The following ZNF407 variants were observed in gnomAD, a reference collection of about 807,000 sequenced individuals.
The protein encoded by ZNF407 is zinc finger protein 407.
Under a neutral mutation model 131.2 loss-of-function variants are expected in ZNF407, and 17 were observed. The ratio of observed to expected loss-of-function variants is 0.13; its 90% CI spans 0.09 to 0.19. The LOEUF (loss-of-function observed/expected upper bound fraction) is 0.19, where lower values mean the gene tolerates loss of function less well. Ranked by LOEUF, ZNF407 falls within the 10% of genes least tolerant of loss-of-function variation. The pLI is 1.00. For synonymous variants in ZNF407, 1,156 were observed against 1,062.0 expected (o/e 1.09, Z -1.72); for missense variants, 2,681 against 2,830.6 (o/e 0.95, Z 1.20).
intron 8 of ZNF407, among the ~76,000 whole-genome samples, chr18:75,057,761 G>A (rs1973577391): frequency 6.6e-6 from 1 of 151,886 alleles, no homozygotes; most frequent in African/African-American, 2.4e-5. Flanking sequence ...ATTCAGGATG[G>A]TACTAAAAGT....
At position 75,051,503 on chromosome 18, in the gene ZNF407, G is replaced by A. The variant is rs139605580; in HGVS notation, c.5429-11647G>A. Among the ~76,000 whole-genome samples, 456 of 152,332 alleles carry A rather than the reference G, an allele frequency of 3.0e-3. 3 individuals carry two copies. The Middle Eastern group carries it at 0.031, about 10-fold the overall frequency. On this transcript the variant is annotated intron_variant, in intron 8 of 8. Transcript: ENST00000299687. ...TGACTGTCTCTAAGAGCTCAGGACT[G>A]TCAGCAGTGGGATTTCGTTTCCCAT...
intron 8 of ZNF407, among the ~76,000 whole-genome samples, chr18:74,992,442 G>A (rs187999199): frequency 6.4e-4 from 98 of 152,220 alleles, no homozygotes; most frequent in African/African-American, 2.3e-3. Context: ...TTGTGGGTCC[G>A]CCTGGCACAA....
chr18:74,599,410 C>T (rs1025648197), intron 1 of ZNF407, among the ~76,000 whole-genome samples: 1 of 152,124 alleles, frequency 6.6e-6, no homozygotes, highest in South Asian at 2.1e-4. Flanking sequence ...CAAAGTGGCT[C>T]CACTTCAAAA....
intron 3 of ZNF407, among the ~76,000 whole-genome samples, chr18:74,724,026 C>G (rs1332536733): frequency 2.0e-5 from 3 of 151,930 alleles, no homozygotes; most frequent in Non-Finnish European, 4.4e-5. Context: ...AAATAGTTCT[C>G]ACTATTATTC....
intron 1 of ZNF407, among the ~76,000 whole-genome samples, chr18:74,619,243 A>G (rs1178650919): frequency 1.3e-5 from 2 of 152,206 alleles, no homozygotes; most frequent in Non-Finnish European, 2.9e-5. Context: ...CTTAGTCCCT[A>G]AAACTGTACA....
At chr18:75,015,155 C>A (rs1424416136) in intron 8 of ZNF407, among the ~76,000 whole-genome samples, 2 of 151,958 alleles carry the variant, frequency 1.3e-5, no homozygotes, top group Non-Finnish European at 2.9e-5. Context: ...TTCATGTGAT[C>A]TGAAGAAATG....
intron 4 of ZNF407, among the ~76,000 whole-genome samples, chr18:74,874,292 C>T (rs955530429): frequency 2.6e-4 from 40 of 152,294 alleles, no homozygotes; most frequent in African/African-American, 9.1e-4. Flanking sequence ...CTTTGCACAT[C>T]CCTCAACTGA....
intron 8 of ZNF407, among the ~76,000 whole-genome samples, chr18:74,964,190 G>A (rs780198165): frequency 6.6e-6 from 1 of 152,190 alleles, no homozygotes; most frequent in Non-Finnish European, 1.5e-5. Context: ...TGGATCCCTG[G>A]ACCCCAAATG....
At chr18:74,961,071 A>G (rs1355400992) in intron 8 of ZNF407, among the ~76,000 whole-genome samples, 1 of 150,402 alleles carries the variant, frequency 6.6e-6, no homozygotes, top group Non-Finnish European at 1.5e-5. Flanking sequence ...GAGGGATAGG[A>G]GAAGGTCCTG....
chr18:74,625,969 C>T (rs1250683185), intron 1 of ZNF407, among the ~76,000 whole-genome samples: 1 of 152,136 alleles, frequency 6.6e-6, no homozygotes. Flanking sequence ...GAATTTAAAA[C>T]TTCTGTTTAT....
intron 7 of ZNF407, among the ~76,000 whole-genome samples, chr18:74,915,281 A>G (rs987662363): frequency 6.6e-6 from 1 of 151,912 alleles, no homozygotes; most frequent in Non-Finnish European, 1.5e-5. Flanking sequence ...CACCCAAGGT[A>G]TCTGCTGTGC....
chr18:74,928,275 T>C (rs1568273049), intron 8 of ZNF407, among the ~76,000 whole-genome samples: 1 of 152,224 alleles, frequency 6.6e-6, no homozygotes, highest in Non-Finnish European at 1.5e-5. Context: ...TGATTGGCAA[T>C]TGGTTAAGTT....
chr18:75,057,881 C>T (rs1203108287), intron 8 of ZNF407, among the ~76,000 whole-genome samples: 7 of 152,088 alleles, frequency 4.6e-5, no homozygotes, highest in Non-Finnish European at 1.0e-4. Flanking sequence ...ACAACGTATG[C>T]CTTCAAGAGA....
intron 4 of ZNF407, among the ~76,000 whole-genome samples, chr18:74,844,280 AACCCC>A (rs1450150299): frequency 6.6e-6 from 1 of 152,148 alleles, no homozygotes; most frequent in Non-Finnish European, 1.5e-5. Flanking sequence ...TTGGACGGTG[AACCCC>A]TCTGTGAGCT....
At chr18:74,673,141 T>C (rs524644) in intron 3 of ZNF407, among the ~76,000 whole-genome samples, 3,531 of 152,334 alleles carry the variant, frequency 0.023, 148 homozygotes, top group African/African-American at 0.08. Flanking sequence ...CTCTATGCCT[T>C]ATTGGTACTG....
At chr18:74,869,205 G>T (rs1254165885) in intron 4 of ZNF407, among the ~76,000 whole-genome samples, 1 of 152,112 alleles carries the variant, frequency 6.6e-6, no homozygotes, top group East Asian at 1.9e-4. Flanking sequence ...AGTAATATTA[G>T]TCCAATATTA....
chr18:74,646,355 A>G (rs1457381595), intron 3 of ZNF407, among the ~76,000 whole-genome samples: 3 of 152,228 alleles, frequency 2.0e-5, no homozygotes, highest in African/African-American at 7.2e-5. Flanking sequence ...TGTTTATTCT[A>G]TAATGTGGCA....
At chr18:74,952,245 T>C (rs896464156) in intron 8 of ZNF407, among the ~76,000 whole-genome samples, 10 of 152,194 alleles carry the variant, frequency 6.6e-5, no homozygotes, top group African/African-American at 2.4e-4. Context: ...ATACTCTCTA[T>C]GAACCTTTGG....
At chr18:74,706,955 T>C (rs1379805660) in intron 3 of ZNF407, among the ~76,000 whole-genome samples, 331 of 21,948 alleles carry the variant, frequency 0.015, 7 homozygotes, top group Non-Finnish European at 0.016. Context: ...TTTTTTTTTT[T>C]TTTTTTTTTT....
Sources: gnomAD v4.1 joint callset for allele counts (sites outside exome capture counted in the v4.1 genomes callset) on GRCh38, gnomAD v4.1.1 for gene constraint, MANE v1.5 for transcripts, NCBI Gene and HGNC (gene_info 2026-07-23, HGNC 2026-07-21) for gene names.